Variants in LRP1B observed in about 807,000 individuals in gnomAD.
LRP1B encodes the protein low-density lipoprotein receptor-related protein 1B.
Under a neutral mutation model 556.6 loss-of-function variants are expected in LRP1B, and 217 were observed. The ratio of observed to expected loss-of-function variants is 0.39; its 90% confidence interval spans 0.35 to 0.44. LRP1B has a LOEUF of 0.44. Ranked by LOEUF, LRP1B falls within the 20% of genes least tolerant of loss-of-function variation. The pLI, the probability that LRP1B is intolerant of heterozygous loss-of-function variation, is 1.00. For synonymous variants in LRP1B, 2,047 were observed against 1,865.8 expected (o/e 1.10, Z -2.50); for missense variants, 5,053 against 5,620.8 (o/e 0.90, Z 3.23).
intron 2 of LRP1B, among the ~76,000 whole-genome samples, chr2:141,804,191 C>A (rs1436583882): frequency 6.6e-6 from 1 of 152,002 alleles, no homozygotes; most frequent in Admixed American, 6.6e-5. Context: ...TTGGATCCTG[C>A]TTTATCTCAG....
intron 43 of LRP1B, among the ~76,000 whole-genome samples, chr2:140,554,230 C>T (rs550285772): frequency 8.0e-4 from 121 of 152,120 alleles, no homozygotes; most frequent in African/African-American, 2.8e-3. Flanking sequence ...ACCCAGAGGA[C>T]TCATGAGAAT....
chr2:141,125,747 C>G (rs115561269), intron 7 of LRP1B, among the ~76,000 whole-genome samples: 3,544 of 145,430 alleles, frequency 0.024, 144 homozygotes, highest in African/African-American at 0.085. Flanking sequence ...TTAGGTCAGG[C>G]ATTTAGGAGA....
chr2:141,966,578 AT>A (rs1258208712), intron 1 of LRP1B, among the ~76,000 whole-genome samples: 2 of 150,234 alleles, frequency 1.3e-5, no homozygotes, highest in Non-Finnish European at 3.0e-5. Flanking sequence ...TCAACATAAG[AT>A]TTTTTTTTCA....
chr2:140,871,020 A>G (rs1389607120), intron 25 of LRP1B, among the ~76,000 whole-genome samples: 3 of 152,178 alleles, frequency 2.0e-5, no homozygotes, highest in Non-Finnish European at 2.9e-5. Context: ...CTAAAAGAGT[A>G]TGGCAAAAAG....
intron 1 of LRP1B, among the ~76,000 whole-genome samples, chr2:141,897,955 G>T (rs1574474112): frequency 6.6e-6 from 1 of 152,094 alleles, no homozygotes; most frequent in South Asian, 2.1e-4. Context: ...TGACCATACA[G>T]AATTTCATAG....
intron 2 of LRP1B, among the ~76,000 whole-genome samples, chr2:141,673,245 CTATGAGGA>C (rs1690741560): frequency 6.6e-6 from 1 of 152,186 alleles, no homozygotes; most frequent in Non-Finnish European, 1.5e-5. Flanking sequence ...GTACTTCTAG[CTATGAGGA>C]TTTTAATACT....
intron 23 of LRP1B, among the ~76,000 whole-genome samples, chr2:140,892,772 G>A (rs940520825): frequency 3.3e-5 from 5 of 152,060 alleles, no homozygotes; most frequent in African/African-American, 1.2e-4. Flanking sequence ...GTATTGATAT[G>A]GTAGAATGGA....
chr2:142,001,083 T>C (rs748971635), intron 1 of LRP1B, among the ~76,000 whole-genome samples: 3 of 152,318 alleles, frequency 2.0e-5, no homozygotes, highest in Non-Finnish European at 4.4e-5. Flanking sequence ...CTCTCTTGCC[T>C]GCCTACCTGT....
chr2:141,002,873 A>G (rs140519085), intron 15 of LRP1B, among the ~76,000 whole-genome samples: 1,573 of 152,104 alleles, frequency 0.01, 25 homozygotes, highest in Non-Finnish European at 0.015. Flanking sequence ...TATTTTTATT[A>G]AAAAAGGACT....
At chr2:141,553,721 T>C (rs968298348) in intron 2 of LRP1B, among the ~76,000 whole-genome samples, 1 of 20,922 alleles carries the variant, frequency 4.8e-5, no homozygotes, top group African/African-American at 5.3e-5. Context: ...TATTTTTATA[T>C]ATCTATATAA....
chr2:140,470,469 C>T (rs185000167), intron 60 of LRP1B, among the ~76,000 whole-genome samples: 185 of 151,692 alleles, frequency 1.2e-3, no homozygotes, highest in African/African-American at 4.1e-3. Context: ...CACGGTGAAA[C>T]CCCGTCTCTC....
At chr2:140,315,217 C>G in intron 82 of LRP1B, 118 bp from the exon 83 acceptor site, 1 of 652,600 alleles carries the variant, frequency 1.5e-6, no homozygotes, top group Non-Finnish European at 2.4e-6. Flanking sequence ...AATAATTAAC[C>G]CCAAGTACAA....
intron 2 of LRP1B, among the ~76,000 whole-genome samples, chr2:141,493,708 C>T (rs1416965387): frequency 2.0e-5 from 3 of 152,150 alleles, no homozygotes; most frequent in Non-Finnish European, 4.4e-5. Context: ...TGTGATGGTA[C>T]TGGGTAGCAG....
chr2:141,319,291 A>G (rs1687142484), intron 3 of LRP1B, among the ~76,000 whole-genome samples: 1 of 141,728 alleles, frequency 7.1e-6, no homozygotes, highest in Non-Finnish European at 1.5e-5. Context: ...TAGTCTCTAA[A>G]AAGCAGTGTT....
chr2:141,071,030 A>G (rs1202258957), intron 7 of LRP1B, among the ~76,000 whole-genome samples: 3 of 152,138 alleles, frequency 2.0e-5, no homozygotes, highest in Non-Finnish European at 4.4e-5. Flanking sequence ...CCTGATACCA[A>G]AGCCGGGCAG....
At chr2:140,730,722 C>G (rs1687748945) in intron 35 of LRP1B, among the ~76,000 whole-genome samples, 1 of 152,002 alleles carries the variant, frequency 6.6e-6, no homozygotes, top group Admixed American at 6.6e-5. Flanking sequence ...ACATGCCCAG[C>G]TAATTTTTGT....
At chr2:140,824,727 T>G (rs796891702) in intron 31 of LRP1B, among the ~76,000 whole-genome samples, 29 of 152,232 alleles carry the variant, frequency 1.9e-4, no homozygotes, top group African/African-American at 6.5e-4. Flanking sequence ...ATACATCAAA[T>G]GAAATGCAAC....
At chr2:140,482,040 A>C (rs958650222) in intron 59 of LRP1B, among the ~76,000 whole-genome samples, 4 of 152,164 alleles carry the variant, frequency 2.6e-5, no homozygotes, top group African/African-American at 9.6e-5. Flanking sequence ...TTGAGACAGA[A>C]ACACTTCTCA....
intron 4 of LRP1B, among the ~76,000 whole-genome samples, chr2:141,252,207 TAA>T (rs70991149): frequency 1.1e-4 from 8 of 71,948 alleles, no homozygotes; most frequent in Non-Finnish European, 1.7e-4. Flanking sequence ...CCCCACCCCC[TAA>T]AAAAAAAAAG....
Sources: allele counts gnomAD v4.1 joint callset (sites outside exome capture counted in the v4.1 genomes callset), GRCh38; gene constraint gnomAD v4.1.1; transcripts MANE v1.5; gene names NCBI Gene and HGNC (gene_info 2026-07-23, HGNC 2026-07-21).